GARIN2: variants seen among roughly 807,000 people sequenced by gnomAD.
The protein encoded by GARIN2 is golgi associated RAB2 interactor family member 2.
At chr14:67,199,965 C>A in the GARIN2 span, 2 of 1,235,954 alleles carry the variant, frequency 1.6e-6, no homozygotes, top group South Asian at 1.6e-5. Context: ...GAGGAGTGCC[C>A]CATCCAGGGA....
At chr14:67,194,618 G>C in the GARIN2 span, among the ~76,000 whole-genome samples, 1 of 152,172 alleles carries the variant, frequency 6.6e-6, no homozygotes, top group Admixed American at 6.5e-5. Flanking sequence ...AGATTCTCCT[G>C]CTTCAGTCTC....
At chr14:67,199,792 A>C in the GARIN2 span, 1 of 1,520,402 alleles carries the variant, frequency 6.6e-7, no homozygotes, top group South Asian at 1.3e-5. Flanking sequence ...GCTCCTTCCC[A>C]CCCCCAGTGC....
the GARIN2 span, among the ~76,000 whole-genome samples, chr14:67,205,875 A>G: frequency 6.6e-6 from 1 of 152,092 alleles, no homozygotes; most frequent in Non-Finnish European, 1.5e-5. Context: ...CTGCTGAAAA[A>G]CTTCCTCTAG....
chr14:67,205,029 C>T, the GARIN2 span: 1 of 1,552,816 alleles, frequency 6.4e-7, no homozygotes, highest in Non-Finnish European at 8.7e-7. Flanking sequence ...TTACAAACTG[C>T]TCGGGAGTCA....
At chr14:67,225,481 G>C in the GARIN2 span, among the ~76,000 whole-genome samples, 1 of 152,166 alleles carries the variant, frequency 6.6e-6, no homozygotes, top group African/African-American at 2.4e-5. Context: ...AGGAGAGAGG[G>C]CTTCAGGTGA....
the GARIN2 span, among the ~76,000 whole-genome samples, chr14:67,217,080 G>A: frequency 2.6e-5 from 4 of 151,998 alleles, no homozygotes; most frequent in Admixed American, 6.6e-5. Context: ...TTATAAATCT[G>A]GGTGCTCCAG....
At chr14:67,198,117 T>C in the GARIN2 span, 2 of 1,587,590 alleles carry the variant, frequency 1.3e-6, no homozygotes, top group African/African-American at 2.7e-5. Flanking sequence ...ATCCACTAAT[T>C]GTGTTTCCAT....
At chr14:67,221,864 C>G in the GARIN2 span, 2 of 1,595,974 alleles carry the variant, frequency 1.3e-6, no homozygotes, top group Non-Finnish European at 1.7e-6. Flanking sequence ...CAGTAGTCAT[C>G]TCTGGTTCCT....
the GARIN2 span, chr14:67,204,682 G>GCCCTC: frequency 6.2e-7 from 1 of 1,613,908 alleles, no homozygotes; most frequent in South Asian, 1.1e-5. Flanking sequence ...TCAATGGGTG[G>GCCCTC]CCCTCATCTC....
the GARIN2 span, among the ~76,000 whole-genome samples, chr14:67,214,422 A>G: frequency 6.6e-6 from 1 of 152,168 alleles, no homozygotes; most frequent in South Asian, 2.1e-4. Flanking sequence ...TTAAATAGGG[A>G]ATCCTTTCCC....
chr14:67,207,675 C>G, the GARIN2 span, among the ~76,000 whole-genome samples: 1 of 152,052 alleles, frequency 6.6e-6, no homozygotes, highest in Admixed American at 6.6e-5. Context: ...CTGAGCGAAT[C>G]AGAGAGTGGC....
At chr14:67,213,211 T>G in the GARIN2 span, among the ~76,000 whole-genome samples, 1 of 150,744 alleles carries the variant, frequency 6.6e-6, no homozygotes. Flanking sequence ...ATGTGCACAA[T>G]GTGCAGGTTA....
the GARIN2 span, among the ~76,000 whole-genome samples, chr14:67,219,229 G>A: frequency 6.6e-6 from 1 of 152,214 alleles, no homozygotes; most frequent in African/African-American, 2.4e-5. Context: ...TGTAAGGACT[G>A]TAGGTGTTTT....
chr14:67,209,600 A>T, the GARIN2 span, among the ~76,000 whole-genome samples: 1 of 151,632 alleles, frequency 6.6e-6, no homozygotes, highest in African/African-American at 2.4e-5. Context: ...CGGGCAGATC[A>T]TGAGGTCAGG....
the GARIN2 span, among the ~76,000 whole-genome samples, chr14:67,215,950 G>A: frequency 6.6e-6 from 1 of 152,008 alleles, no homozygotes; most frequent in Non-Finnish European, 1.5e-5. Context: ...CATTAGATTC[G>A]CTTTTAATGC....
chr14:67,225,984 C>T, the GARIN2 span, among the ~76,000 whole-genome samples: 1 of 149,536 alleles, frequency 6.7e-6, no homozygotes, highest in Non-Finnish European at 1.5e-5. Context: ...CGTGCGCATG[C>T]GCGTGCATGC....
At chr14:67,214,539 A>C in the GARIN2 span, among the ~76,000 whole-genome samples, 1 of 152,194 alleles carries the variant, frequency 6.6e-6, no homozygotes, top group Non-Finnish European at 1.5e-5. Flanking sequence ...CTGTTTTGGT[A>C]CCAGTACCAT....
At chr14:67,197,987 T>C in the GARIN2 span, 15 of 667,494 alleles carry the variant, frequency 2.2e-5, no homozygotes, top group South Asian at 3.2e-4. Context: ...CAGTCCTGTT[T>C]AGATGTATGT....
the GARIN2 span, chr14:67,204,862 A>G: frequency 6.2e-7 from 1 of 1,614,004 alleles, no homozygotes; most frequent in African/African-American, 1.3e-5. Context: ...TGAACATGTC[A>G]GGGACAGCAT....
Sources: allele counts gnomAD v4.1 joint callset (sites outside exome capture counted in the v4.1 genomes callset), GRCh38; gene constraint gnomAD v4.1.1; transcripts MANE v1.5; gene names NCBI Gene and HGNC (gene_info 2026-07-23, HGNC 2026-07-21).